The following DLG2 variants were observed in gnomAD, a reference collection of about 807,000 sequenced individuals.
DLG2 encodes the protein discs large MAGUK scaffold protein 2.
In DLG2, 45 loss-of-function variants were observed where a neutral mutation model predicts 132.5. The ratio of observed to expected loss-of-function variants is 0.34; its 90% CI spans 0.27 to 0.44. DLG2 has a LOEUF of 0.44. DLG2 is among the 20% of genes least tolerant of loss of function. The pLI is 1.00. For missense variants in DLG2, 1,045 were observed against 1,196.9 expected, an observed-to-expected ratio of 0.87 and a Z score of 1.87; for synonymous variants, 424 against 419.6, an observed-to-expected ratio of 1.01 and a Z score of -0.13.
intron 6 of DLG2, among the ~76,000 whole-genome samples, chr11:84,617,632 C>T (rs2099606858): frequency 1.3e-5 from 2 of 152,152 alleles, no homozygotes; most frequent in African/African-American, 4.8e-5. Flanking sequence ...TTCTCCACAT[C>T]CTCTCCAGCA....
chr11:83,664,847 C>T (rs1026654768), intron 18 of DLG2, among the ~76,000 whole-genome samples: 1 of 152,158 alleles, frequency 6.6e-6, no homozygotes, highest in African/African-American at 2.4e-5. Flanking sequence ...GAAGCCAGCA[C>T]TAACATTTAT....
intron 15 of DLG2, among the ~76,000 whole-genome samples, chr11:83,894,127 T>C (rs1006458354): frequency 1.3e-5 from 2 of 152,210 alleles, no homozygotes; most frequent in African/African-American, 4.8e-5. Flanking sequence ...TACCTCATAT[T>C]TGCTAAATTA....
chr11:84,438,428 C>T (rs1405650135), intron 7 of DLG2, among the ~76,000 whole-genome samples: 1 of 151,142 alleles, frequency 6.6e-6, no homozygotes, highest in Non-Finnish European at 1.5e-5. Context: ...GGGTTCAAAT[C>T]GAGTGTTAAA....
intron 5 of DLG2, among the ~76,000 whole-genome samples, chr11:85,114,842 T>C (rs951910921): frequency 2.6e-5 from 4 of 151,968 alleles, no homozygotes; most frequent in African/African-American, 9.7e-5. Flanking sequence ...TATTTTTTTT[T>C]GTGTATCAGG....
At chr11:84,550,854 G>A (rs941841207) in intron 6 of DLG2, among the ~76,000 whole-genome samples, 9 of 152,252 alleles carry the variant, frequency 5.9e-5, no homozygotes, top group South Asian at 4.1e-4. Flanking sequence ...TGACTCTGTC[G>A]AAATTAAATT....
intron 11 of DLG2, among the ~76,000 whole-genome samples, chr11:84,033,318 C>A (rs1593540123): frequency 6.6e-6 from 1 of 152,144 alleles, no homozygotes; most frequent in East Asian, 1.9e-4. Flanking sequence ...TTGATTCCAA[C>A]TCTTACAGAT....
intron 7 of DLG2, among the ~76,000 whole-genome samples, chr11:84,340,132 GCTAATTGGTAGTAT>G (rs1445502463): frequency 1.3e-5 from 2 of 152,136 alleles, no homozygotes; most frequent in African/African-American, 4.8e-5. Flanking sequence ...TGGTTTATTT[GCTAATTGGTAGTAT>G]CTAAAGAAGG....
At chr11:84,755,482 G>A (rs1412985040) in intron 6 of DLG2, among the ~76,000 whole-genome samples, 2 of 152,206 alleles carry the variant, frequency 1.3e-5, no homozygotes, top group African/African-American at 2.4e-5. Flanking sequence ...GGAGTGTAGT[G>A]GCACAACCTC....
intron 11 of DLG2, among the ~76,000 whole-genome samples, chr11:83,998,823 G>A (rs2094183964): frequency 6.6e-6 from 1 of 152,146 alleles, no homozygotes; most frequent in South Asian, 2.1e-4. Context: ...GCAGTGCCAG[G>A]GCTAAGGTGC....
intron 19 of DLG2, among the ~76,000 whole-genome samples, chr11:83,594,262 A>G (rs2097247335): frequency 6.6e-6 from 1 of 152,214 alleles, no homozygotes; most frequent in Non-Finnish European, 1.5e-5. Context: ...TGGCCCCTCC[A>G]TCATTGTGAG....
chr11:84,900,723 C>G (rs976025690), intron 6 of DLG2, among the ~76,000 whole-genome samples: 2 of 151,998 alleles, frequency 1.3e-5, no homozygotes, highest in Non-Finnish European at 2.9e-5. Flanking sequence ...CTTCAATTCA[C>G]TTTTCACACA....
chr11:84,691,581 C>CAAT (rs745577002), intron 6 of DLG2, among the ~76,000 whole-genome samples: 2 of 151,560 alleles, frequency 1.3e-5, no homozygotes, highest in Admixed American at 6.6e-5. Context: ...TCATCCAAAA[C>CAAT]CATCATTTTT....
At chr11:83,563,031 G>T (rs977413459) in intron 19 of DLG2, among the ~76,000 whole-genome samples, 1 of 136,630 alleles carries the variant, frequency 7.3e-6, no homozygotes, top group Non-Finnish European at 1.5e-5. Flanking sequence ...CTGGAGTGCA[G>T]TGGCTCGATC....
At chr11:84,993,146 GCTAA>G (rs2057305763) in intron 6 of DLG2, among the ~76,000 whole-genome samples, 1 of 152,118 alleles carries the variant, frequency 6.6e-6, no homozygotes, top group Admixed American at 6.5e-5. Context: ...GAAGCTGGAA[GCTAA>G]CTAACAGAGG....
At chr11:83,863,520 G>C (rs2061785813) in intron 16 of DLG2, among the ~76,000 whole-genome samples, 1 of 152,100 alleles carries the variant, frequency 6.6e-6, no homozygotes, top group African/African-American at 2.4e-5. Context: ...GCGTGGAGGA[G>C]GAAGAAATGG....
intron 6 of DLG2, among the ~76,000 whole-genome samples, chr11:84,775,104 T>TA (rs890361186): frequency 6.6e-6 from 1 of 151,634 alleles, no homozygotes; most frequent in African/African-American, 2.4e-5. Flanking sequence ...ATAACCTCAT[T>TA]AAAAAATGAG....
At chr11:85,015,228 T>C (rs1460145238) in intron 6 of DLG2, among the ~76,000 whole-genome samples, 1 of 152,172 alleles carries the variant, frequency 6.6e-6, no homozygotes, top group Non-Finnish European at 1.5e-5. Flanking sequence ...TTCTTAATCA[T>C]ATGCTGCACA....
chr11:85,341,350 G>A (rs1254767651), intron 3 of DLG2, among the ~76,000 whole-genome samples: 1 of 152,138 alleles, frequency 6.6e-6, no homozygotes, highest in Non-Finnish European at 1.5e-5. Context: ...TCCATCTCCT[G>A]ACCTCGTGAT....
At chr11:84,900,429 T>C (rs1187623064) in intron 6 of DLG2, among the ~76,000 whole-genome samples, 1 of 152,076 alleles carries the variant, frequency 6.6e-6, no homozygotes, top group Non-Finnish European at 1.5e-5. Context: ...AGCATCCTTG[T>C]CTTCAAGATA....
Sources: gnomAD v4.1 joint callset for allele counts (sites outside exome capture counted in the v4.1 genomes callset) on GRCh38, gnomAD v4.1.1 for gene constraint, MANE v1.5 for transcripts, NCBI Gene and HGNC (gene_info 2026-07-23, HGNC 2026-07-21) for gene names.